MRPS27: variants seen among roughly 807,000 people sequenced by gnomAD.
MRPS27 encodes mitochondrial ribosomal protein S27.
Under a neutral mutation model 48.9 loss-of-function variants are expected in MRPS27, and 43 were observed. The observed-to-expected ratio is 0.88, with a 90% CI of 0.69 to 1.13. The LOEUF (loss-of-function observed/expected upper bound fraction) is 1.13. MRPS27 is among the 50% of genes most tolerant of loss of function. The pLI, the probability that MRPS27 is intolerant of heterozygous loss-of-function variation, is 0.00. For synonymous variants in MRPS27, 188 were observed against 171.9 expected (o/e 1.09, Z -0.73); for missense variants, 467 against 476.3 (o/e 0.98, Z 0.18).
chr5:72,314,033 TACAG>T (rs778326013), intron 2 of MRPS27, 44 bp downstream of exon 2: 13 of 1,372,058 alleles, frequency 9.5e-6, no homozygotes, highest in Non-Finnish European at 1.1e-5. Flanking sequence ...ATGGAAGACA[TACAG>T]AGTGACCGAA....
intron 4 of MRPS27, among the ~76,000 whole-genome samples, chr5:72,254,406 G>GA (rs1252457989): frequency 6.6e-6 from 1 of 151,630 alleles, no homozygotes; most frequent in African/African-American, 2.4e-5. Context: ...AGGGATGGAA[G>GA]AAAAAAGAGA....
intron 4 of MRPS27, among the ~76,000 whole-genome samples, chr5:72,242,409 T>C (rs1387574445): frequency 7.9e-6 from 1 of 126,834 alleles, no homozygotes; most frequent in Admixed American, 8.4e-5. Context: ...AGAGAGGTTA[T>C]ATAAAAGAGA....
At chr5:72,320,126 C>T in intron 1 of MRPS27, 23 bp downstream of exon 1, 3 of 1,608,822 alleles carry the variant, frequency 1.9e-6, no homozygotes, top group East Asian at 2.2e-5. Context: ...TAATCAGGGG[C>T]CTAATGAAGC....
intron 4 of MRPS27, among the ~76,000 whole-genome samples, chr5:72,288,509 C>T (rs1334998632): frequency 6.6e-6 from 1 of 152,248 alleles, no homozygotes; most frequent in African/African-American, 2.4e-5. Flanking sequence ...TGCGCCCGGC[C>T]ATGGAGGCCA....
intron 4 of MRPS27, among the ~76,000 whole-genome samples, chr5:72,278,811 T>C (rs1177595997): frequency 2.0e-5 from 3 of 152,228 alleles, no homozygotes; most frequent in Non-Finnish European, 4.4e-5. Flanking sequence ...TATGCATCTA[T>C]AGATAGCTTT....
At chr5:72,221,189 A>T in intron 10 of MRPS27, 41 bp from the exon 11 acceptor site, 1 of 1,599,134 alleles carries the variant, frequency 6.3e-7, no homozygotes, top group Non-Finnish European at 8.5e-7. Flanking sequence ...AAAGGTAGAG[A>T]AGTGAGAGAA....
chr5:72,287,255 T>C (rs1259204632), intron 4 of MRPS27, among the ~76,000 whole-genome samples: 1 of 151,992 alleles, frequency 6.6e-6, no homozygotes, highest in Non-Finnish European at 1.5e-5. Flanking sequence ...AACCAGTCCC[T>C]GGTGCCAAAA....
At chr5:72,314,194 T>G (rs759717483) in intron 1 of MRPS27, 36 bp from the exon 2 acceptor site, 18 of 1,466,274 alleles carry the variant, frequency 1.2e-5, no homozygotes, top group African/African-American at 2.8e-5. Flanking sequence ...CACACATGGT[T>G]TTACAAGAGG....
chr5:72,291,758 C>A (rs1368332893), intron 4 of MRPS27, among the ~76,000 whole-genome samples: 1 of 152,238 alleles, frequency 6.6e-6, no homozygotes, highest in Non-Finnish European at 1.5e-5. Flanking sequence ...GCTGGAGGCA[C>A]AGTTTCTCTG....
intron 3 of MRPS27, among the ~76,000 whole-genome samples, chr5:72,297,246 C>G (rs1289465622): frequency 6.6e-6 from 1 of 152,180 alleles, no homozygotes; most frequent in Non-Finnish European, 1.5e-5. Flanking sequence ...TTAACTTTAA[C>G]ATTAATATCC....
chr5:72,226,376 C>T (rs1486190226), intron 8 of MRPS27, 177 bp from the exon 9 acceptor site: 16 of 657,274 alleles, frequency 2.4e-5, no homozygotes, highest in Non-Finnish European at 3.8e-5. Context: ...TGGATAATGA[C>T]GAATGTGGTA....
At chr5:72,259,982 T>C (rs1748924228) in intron 4 of MRPS27, among the ~76,000 whole-genome samples, 1 of 152,230 alleles carries the variant, frequency 6.6e-6, no homozygotes, top group East Asian at 1.9e-4. Context: ...ATTGGCTATA[T>C]GCCTTTCTTC....
chr5:72,231,417 T>C (rs1049369266), intron 7 of MRPS27, among the ~76,000 whole-genome samples: 1 of 152,126 alleles, frequency 6.6e-6, no homozygotes, highest in African/African-American at 2.4e-5. Flanking sequence ...CCCTATAATA[T>C]AGTCTTTTCT....
At chr5:72,302,199 T>G (rs1348601205) in intron 2 of MRPS27, among the ~76,000 whole-genome samples, 1 of 152,220 alleles carries the variant, frequency 6.6e-6, no homozygotes, top group Non-Finnish European at 1.5e-5. Flanking sequence ...GCAATACTAT[T>G]AACGATCTCA....
At chr5:72,303,524 G>A (rs1750177930) in intron 2 of MRPS27, among the ~76,000 whole-genome samples, 2 of 152,078 alleles carry the variant, frequency 1.3e-5, no homozygotes, top group African/African-American at 4.8e-5. Flanking sequence ...TTCAGGATAT[G>A]TATACAATCT....
At chr5:72,279,126 G>C (rs1451443189) in intron 4 of MRPS27, among the ~76,000 whole-genome samples, 2 of 152,146 alleles carry the variant, frequency 1.3e-5, no homozygotes, top group South Asian at 4.1e-4. Flanking sequence ...CAGACTTCCT[G>C]TTGCTCCTCT....
At chr5:72,234,542 C>G (rs1381572443) in intron 5 of MRPS27, among the ~76,000 whole-genome samples, 1 of 152,044 alleles carries the variant, frequency 6.6e-6, no homozygotes, top group African/African-American at 2.4e-5. Context: ...AGTGACTCTT[C>G]TTATAAAGTA....
intron 4 of MRPS27, among the ~76,000 whole-genome samples, chr5:72,256,493 T>G (rs886517431): frequency 1.3e-5 from 2 of 152,224 alleles, no homozygotes; most frequent in African/African-American, 4.8e-5. Context: ...TCACTTTCAT[T>G]TATAAACAAG....
At chr5:72,232,593 T>C in intron 6 of MRPS27, 35 bp from the exon 7 acceptor site, 1 of 1,402,904 alleles carries the variant, frequency 7.1e-7, no homozygotes. Flanking sequence ...GAGAGGAAAT[T>C]AGTTGTAGGT....
Sources: gnomAD v4.1 joint callset for allele counts (sites outside exome capture counted in the v4.1 genomes callset) on GRCh38, gnomAD v4.1.1 for gene constraint, MANE v1.5 for transcripts, NCBI Gene and HGNC (gene_info 2026-07-23, HGNC 2026-07-21) for gene names.